MTMR8: variants seen among roughly 807,000 people sequenced by gnomAD.
The protein encoded by MTMR8 is phosphatidylinositol-3,5-bisphosphate 3-phosphatase MTMR8.
Under a neutral mutation model 39.3 loss-of-function variants are expected in MTMR8, and 65 were observed. The ratio of observed to expected loss-of-function variants is 1.65; its 90% CI spans 1.35 to 2.03. The LOEUF (loss-of-function observed/expected upper bound fraction) is 2.03. Ranked by LOEUF, MTMR8 falls within the 30% of genes most tolerant of loss-of-function variation. The pLI is 0.00. For synonymous variants in MTMR8, 245 were observed against 185.2 expected (o/e 1.32, Z -2.62); for missense variants, 777 against 538.9 (o/e 1.44, Z -4.37).
At chrX:64,327,013 A>G (rs1261633445) in intron 12 of MTMR8, among the ~76,000 whole-genome samples, 2 of 111,689 alleles carry the variant, frequency 1.8e-5, no homozygotes, top group Admixed American at 9.5e-5. Flanking sequence ...CATATCTCTC[A>G]TCACATATAA....
At chrX:64,364,057 G>A (rs952231139) in intron 1 of MTMR8, among the ~76,000 whole-genome samples, 3 of 112,456 alleles carry the variant, frequency 2.7e-5, no homozygotes, top group African/African-American at 3.2e-5. Flanking sequence ...CCATTGCTGA[G>A]GCTTGAGTAG....
intron 1 of MTMR8, among the ~76,000 whole-genome samples, chrX:64,382,252 A>G (rs1924447059): frequency 8.9e-6 from 1 of 111,751 alleles, no homozygotes; most frequent in South Asian, 3.8e-4. Flanking sequence ...ATGTTCTTCC[A>G]TTTGTTTGTA....
intron 12 of MTMR8, among the ~76,000 whole-genome samples, chrX:64,280,102 C>T: frequency 8.9e-6 from 1 of 111,876 alleles, no homozygotes. Context: ...AATTCACAGC[C>T]AAATTCTGCT....
At position 64,395,372 on chromosome X, in the gene MTMR8, T is replaced by A. The variant is rs368557871; in HGVS notation, c.-9A>T. On this transcript the variant is annotated 5_prime_UTR_variant, in exon 1 of 14. Transcript: ENST00000374852. ...ACCGTAATATGATCCATGACTGCAG[T>A]TCCCGCCACCGGAAGATCTCAGTGC... is the stretch of plus-strand genomic sequence containing the variant. 1.8e-5 allele frequency: 19 copies of A among 1,081,840 alleles called. No individual in the cohort carries two copies. The East Asian group carries it at 2.5e-4, about 14-fold the overall frequency. 89.2% of individuals were successfully genotyped at this position (1,081,840 alleles called of 1,213,427 possible).
At chrX:64,314,139 C>G (rs778699552) in intron 12 of MTMR8, among the ~76,000 whole-genome samples, 24 of 112,530 alleles carry the variant, frequency 2.1e-4, no homozygotes, top group African/African-American at 6.8e-4. Flanking sequence ...AAATTATGAA[C>G]CTGCTGTGCT....
chrX:64,288,821 G>C (rs1031914363), intron 12 of MTMR8, among the ~76,000 whole-genome samples: 1 of 109,843 alleles, frequency 9.1e-6, no homozygotes, highest in Non-Finnish European at 1.9e-5. Context: ...TGAACAATGA[G>C]AACACTTGGA....
At chrX:64,390,221 CT>C (rs1356787088) in intron 1 of MTMR8, among the ~76,000 whole-genome samples, 40 of 112,075 alleles carry the variant, frequency 3.6e-4, no homozygotes, top group African/African-American at 1.3e-3. Context: ...AACATTTGGC[CT>C]TAGTTTCCTG....
intron 8 of MTMR8, among the ~76,000 whole-genome samples, chrX:64,337,772 C>T (rs765635181): frequency 1.8e-5 from 2 of 111,778 alleles, no homozygotes; most frequent in Non-Finnish European, 1.9e-5. Context: ...GATCTGACAA[C>T]AATCTCCTCT....
intron 12 of MTMR8, among the ~76,000 whole-genome samples, chrX:64,325,206 A>G (rs1922758847): frequency 8.9e-6 from 1 of 112,309 alleles, no homozygotes; most frequent in African/African-American, 3.2e-5. Flanking sequence ...TGATGGCTTC[A>G]CTGCTGAATT....
At chrX:64,303,332 C>T (rs1921967086) in intron 12 of MTMR8, among the ~76,000 whole-genome samples, 1 of 111,906 alleles carries the variant, frequency 8.9e-6, no homozygotes, top group African/African-American at 3.2e-5. Context: ...GGATAAATTT[C>T]ATAAGCTAGT....
At chrX:64,372,584 C>G (rs553650053) in intron 1 of MTMR8, among the ~76,000 whole-genome samples, 2 of 111,763 alleles carry the variant, frequency 1.8e-5, no homozygotes, top group Non-Finnish European at 3.8e-5. Context: ...CAGTATGTAA[C>G]CTTTTGAGAT....
chrX:64,383,993 A>G (rs1393902703), intron 1 of MTMR8, among the ~76,000 whole-genome samples: 1 of 111,891 alleles, frequency 8.9e-6, no homozygotes, highest in Admixed American at 9.5e-5. Flanking sequence ...TCTAGCCTGT[A>G]AAATCAAAAA....
chrX:64,370,175 G>GA (rs1394129322), intron 1 of MTMR8, among the ~76,000 whole-genome samples: 2 of 110,725 alleles, frequency 1.8e-5, no homozygotes, highest in African/African-American at 6.6e-5. Flanking sequence ...CCTGAGGTTA[G>GA]AAAAATAGAA....
chrX:64,332,398 A>T (rs1922966458), intron 10 of MTMR8, among the ~76,000 whole-genome samples: 1 of 111,791 alleles, frequency 8.9e-6, no homozygotes, highest in African/African-American at 3.3e-5. Flanking sequence ...CTACCTTCTG[A>T]TATAATTACA....
intron 8 of MTMR8, among the ~76,000 whole-genome samples, chrX:64,337,940 T>C: frequency 8.9e-6 from 1 of 112,142 alleles, no homozygotes; most frequent in Admixed American, 9.5e-5. Context: ...TGGTACATAT[T>C]GACCACTCAT....
At chrX:64,339,252 T>C (rs746630924) in intron 8 of MTMR8, among the ~76,000 whole-genome samples, 1 of 111,006 alleles carries the variant, frequency 9.0e-6, no homozygotes, top group East Asian at 2.9e-4. Context: ...AGGAGGATTA[T>C]TATAGGAGTC....
chrX:64,370,250 T>C (rs1055756337), intron 1 of MTMR8, among the ~76,000 whole-genome samples: 5 of 111,206 alleles, frequency 4.5e-5, no homozygotes, highest in Non-Finnish European at 9.4e-5. Context: ...GATATTTAAA[T>C]GGTGTTGTAT....
chrX:64,388,855 G>A (rs1924628005), intron 1 of MTMR8, among the ~76,000 whole-genome samples: 1 of 112,175 alleles, frequency 8.9e-6, no homozygotes, highest in Non-Finnish European at 1.9e-5. Context: ...CACAGTGTTT[G>A]TGGTGTTAAT....
At chrX:64,271,221 C>T (rs1314162286) in intron 12 of MTMR8, 148 bp from the exon 13 acceptor site, 5 of 547,773 alleles carry the variant, frequency 9.1e-6, no homozygotes, top group East Asian at 4.3e-5. Flanking sequence ...AAAGCCTGGA[C>T]ATGCTCATAA....
Sources: gnomAD v4.1 joint callset for allele counts (sites outside exome capture counted in the v4.1 genomes callset) on GRCh38, gnomAD v4.1.1 for gene constraint, MANE v1.5 for transcripts, NCBI Gene and HGNC (gene_info 2026-07-23, HGNC 2026-07-21) for gene names.